BSCL2: variants seen among roughly 807,000 people sequenced by gnomAD.
BSCL2 encodes the protein seipin.
A neutral mutation model predicts 57.4 loss-of-function variants in BSCL2; 41 were observed. That is an observed-to-expected ratio of 0.71 (90% CI 0.56 to 0.93). The LOEUF is 0.93. Ranked by LOEUF, BSCL2 falls within the 40% of genes least tolerant of loss-of-function variation. BSCL2 has a pLI of 0.00. For missense variants in BSCL2, 539 were observed against 586.7 expected, an observed-to-expected ratio of 0.92 and a Z score of 0.84; for synonymous variants, 237 against 227.3, an observed-to-expected ratio of 1.04 and a Z score of -0.38.
At chr11:62,703,977 C>T (rs1460274684) in intron 2 of BSCL2, among the ~76,000 whole-genome samples, 1 of 148,914 alleles carries the variant, frequency 6.7e-6, no homozygotes, top group African/African-American at 2.5e-5. Flanking sequence ...AAAAATTAGC[C>T]AGGTGTGGTG....
At chr11:62,694,831 G>A in intron 3 of BSCL2, 120 bp from the exon 4 acceptor site, 1 of 1,228,366 alleles carries the variant, frequency 8.1e-7, no homozygotes, top group Non-Finnish European at 1.2e-6. Context: ...ACCCTCTTGG[G>A]TAGCCTAACG....
At chr11:62,691,175 G>A in intron 7 of BSCL2, 34 bp from the exon 8 acceptor site, 1 of 1,613,974 alleles carries the variant, frequency 6.2e-7, no homozygotes, top group Middle Eastern at 1.6e-4. Flanking sequence ...AGCCAGGACT[G>A]ACTTCCCTCA....
chr11:62,702,173 T>G (rs890257964), intron 3 of BSCL2, among the ~76,000 whole-genome samples: 1 of 151,942 alleles, frequency 6.6e-6, no homozygotes, highest in South Asian at 2.1e-4. Flanking sequence ...TTCAAGTGAT[T>G]CTCCTGCCTC....
intron 3 of BSCL2, 45 bp downstream of exon 3, chr11:62,702,423 G>A: frequency 1.3e-6 from 2 of 1,530,450 alleles, no homozygotes; most frequent in Non-Finnish European, 1.8e-6. Context: ...CCTATTTTGA[G>A]TCATCAAAGC....
Position 62,692,930 on chromosome 11 carries a change from C to T in BSCL2, c.631-133G>A, listed in dbSNP as rs1390995932. On this transcript the variant is annotated intron_variant, in intron 4 of 10. Coordinates refer to ENST00000360796, the MANE Select transcript of BSCL2 (RefSeq NM_001122955.4). ...CAGGTCCCTGGCTGCCTCACCTTCA[C>T]TTCCTACCCCTCAGTCTCATCCAAC... 5 of 1,095,704 alleles carry T rather than the reference C, an allele frequency of 4.6e-6. No individual in the cohort carries two copies. In the East Asian group the frequency reaches 7.5e-5, roughly 16 times the overall value. The allele number at this position is 1,095,704 out of a possible 1,614,324, so 67.9% of individuals were successfully genotyped here.
At position 62,690,634 on chromosome 11, in the gene BSCL2, C is replaced by T. The variant is rs563653317; in HGVS notation, c.1212G>A (p.Glu404=). 6.2e-7 allele frequency: 1 copy of T among 1,613,546 alleles called. No homozygotes were observed. Among genetic ancestry groups the T allele is most frequent in the African/African-American group, 1.3e-5 (1 of 74,806 alleles). Residue 404 remains glutamate (E), a synonymous_variant, in exon 10 of 11, where the codon GAG becomes GAA. Transcript: ENST00000360796. ...CACCATCACTGGCCTCAGGCTCTAG[C>T]TCCTCTTCTCCGCTCAGGGGCTGCT... is the stretch of plus-strand genomic sequence containing the variant. ...PDQQPLSGEE[E]LEPEASDGSG...
At chr11:62,702,612 C>G in intron 2 of BSCL2, 63 bp from the exon 3 acceptor site, 1 of 1,438,894 alleles carries the variant, frequency 6.9e-7, no homozygotes, top group African/African-American at 1.4e-5. Flanking sequence ...CATACACCTT[C>G]TTTGCCCCCT....
At chr11:62,709,106 C>T (rs1233719701), upstream of BSCL2, 1 of 482,480 alleles carries the variant, frequency 2.1e-6, no homozygotes, top group African/African-American at 2.0e-5. Context: ...CCTGCTCAGA[C>T]AATGGAGAGG....
upstream of BSCL2, chr11:62,708,516 G>A: frequency 8.1e-7 from 1 of 1,227,498 alleles, no homozygotes; most frequent in Non-Finnish European, 1.2e-6. Context: ...GAGGAGTCTG[G>A]GGCTCTGTAG....
chr11:62,705,240 A>C, intron 2 of BSCL2, 61 bp downstream of exon 2: 1 of 1,481,626 alleles, frequency 6.7e-7, no homozygotes, highest in East Asian at 2.4e-5. Flanking sequence ...GAACTGAATG[A>C]ACTCCAAGGG....
intron 3 of BSCL2, among the ~76,000 whole-genome samples, chr11:62,698,567 G>A (rs577166318): frequency 2.5e-4 from 38 of 152,324 alleles, no homozygotes; most frequent in African/African-American, 7.7e-4. Context: ...TTCCATCAAC[G>A]CTGTGAGCTC....
intron 6 of BSCL2, 54 bp from the exon 7 acceptor site, chr11:62,691,475 C>T: frequency 1.3e-6 from 2 of 1,591,286 alleles, no homozygotes; most frequent in Non-Finnish European, 1.7e-6. Context: ...AGAGCACCAG[C>T]CTTCTCATGT....
chr11:62,702,922 G>A (rs1266390413), intron 2 of BSCL2, among the ~76,000 whole-genome samples: 6 of 152,072 alleles, frequency 3.9e-5, no homozygotes, highest in Admixed American at 3.9e-4. Context: ...AGGCCGAGGA[G>A]GGCGGATCAC....
rs765023622 is a variant in BSCL2 at position 62,705,361 on chromosome 11, G to A, written c.344C>T (p.Ser115Phe). Residue 115 changes from serine to phenylalanine, a missense_variant, in exon 2 of 11, where the codon TCC (serine) becomes TTC (phenylalanine). Around this residue, in one of 3 missense-constraint regions of BSCL2, gnomAD observed 218 missense variants for 224.8 expected, o/e 0.97. Coordinates refer to ENST00000360796, the MANE Select transcript of BSCL2 (RefSeq NM_001122955.4). ...TGTCGGCATATAGGAATAGTAGAAG[G>A]AGCCATAGAGGAAGACAGACACCCA... ...LLWVSVFLYG[S>F]FYYSYMPTVS... 5.0e-6 allele frequency: 8 copies of A among 1,613,988 alleles called. No homozygotes were observed. The highest frequency in any genetic ancestry group is 3.3e-5 in the Admixed American group (2 of 59,996).
In BSCL2 at chr11:62,690,775, G is replaced by A. The variant is rs765531343; in HGVS notation, c.1153+12C>T. 5.6e-6 allele frequency: 9 copies of A among 1,613,740 alleles called. No individual in the cohort carries two copies. In the South Asian group the frequency reaches 9.9e-5, roughly 18 times the overall value. On this transcript the variant is annotated intron_variant, in intron 9 of 10. Transcript: ENST00000360796. ...GAGTCAGGAAGGAGAGAGTGTGGTG[G>A]CTGCGCCATACCTGTCCCTGAGGGA...
intron 2 of BSCL2, among the ~76,000 whole-genome samples, chr11:62,703,333 G>A (rs1945701094): frequency 6.7e-6 from 1 of 148,884 alleles, no homozygotes; most frequent in Non-Finnish European, 1.5e-5. Flanking sequence ...GCATATGCCT[G>A]GGCATGCATA....
chr11:62,705,377 C>T lies in BSCL2; in HGVS notation c.328G>A (p.Val110Ile), dbSNP rs1478630954. The T allele has an allele frequency of 1.2e-6, 2 of 1,614,174 alleles. No homozygotes were observed. Among genetic ancestry groups the T allele is most frequent in the South Asian group, 1.1e-5 (1 of 91,074 alleles). ...CTILLLLWVS[V>I]FLYGSFYYSY... ...TAGTAGAAGGAGCCATAGAGGAAGA[C>T]AGACACCCAGAGCAAAAGGAGGATG... The change falls in exon 2 of 11, where the codon GTC becomes ATC. Residue 110 changes from valine to isoleucine, a missense_variant. Val to Ile is a conservative substitution (Grantham distance 29). Coordinates refer to ENST00000360796, the MANE Select transcript of BSCL2 (RefSeq NM_001122955.4).
chr11:62,691,968 T>C (rs523328), intron 6 of BSCL2, among the ~76,000 whole-genome samples: 144,483 of 151,532 alleles, frequency 0.95, 69,239 homozygotes, highest in East Asian at 1. Flanking sequence ...AGGAGAATGG[T>C]GTGAACCCGG....
rs1320114294 is a variant in BSCL2 at position 62,702,926 on chromosome 11, G to A, written c.405-377C>T. 2.6e-5 allele frequency among the ~76,000 whole-genome samples: 4 copies of A among 151,990 alleles called. No individual in the cohort carries two copies. In the South Asian group the frequency reaches 8.3e-4, roughly 32 times the overall value. ...AGCACTTTTGGAGGCCGAGGAGGGC[G>A]GATCACCTGAGGTCAGGAGTTTAAG... is the stretch of plus-strand genomic sequence containing the variant. On this transcript the variant is annotated intron_variant, in intron 2 of 10. Transcript: ENST00000360796.
Sources: allele counts gnomAD v4.1 joint callset (sites outside exome capture counted in the v4.1 genomes callset), GRCh38; gene constraint gnomAD v4.1.1; regional missense constraint gnomAD v4.1.1; transcripts MANE v1.5; gene names NCBI Gene and HGNC (gene_info 2026-07-23, HGNC 2026-07-21).